Variants in EP300 observed in about 807,000 individuals in gnomAD.
EP300 encodes histone acetyltransferase p300.
EP300 carries 31 observed loss-of-function variants against 264.0 expected under a neutral mutation model. The ratio of observed to expected loss-of-function variants is 0.12; its 90% CI spans 0.09 to 0.16. The LOEUF (loss-of-function observed/expected upper bound fraction) is 0.16. Ranked by LOEUF, EP300 falls within the 10% of genes least tolerant of loss-of-function variation. The pLI, the probability that EP300 is intolerant of heterozygous loss-of-function variation, is 1.00. For synonymous variants in EP300, 1,340 were observed against 1,045.4 expected (o/e 1.28, Z -5.44); for missense variants, 2,766 against 3,052.9 (o/e 0.91, Z 2.21).
chr22:41,172,199 T>C, intron 27 of EP300, among the ~76,000 whole-genome samples: 1 of 152,212 alleles, frequency 6.6e-6, no homozygotes, highest in African/African-American at 2.4e-5. Flanking sequence ...GCATGCATGA[T>C]GGTGCTACCA....
At position 41,172,650 on chromosome 22, in the gene EP300, A is replaced by G. The variant is rs766758292; in HGVS notation, c.4604A>G (p.Asn1535Ser). ...AGAAAACGAGAGGAAAACACCAGCA[A>G]TGAAAGCACAGATGTAAGGGCATTG... ...EERKREENTS[N>S]ESTDVTKGDS... Residue 1535 changes from asparagine to serine, a missense_variant, in exon 28 of 31, where the codon AAT (asparagine) becomes AGT (serine). Coordinates refer to ENST00000263253, the MANE Select transcript of EP300 (RefSeq NM_001429.4). 3.7e-6 allele frequency: 6 copies of G among 1,613,064 alleles called. No individual in the cohort carries two copies. In the African/African-American group the frequency reaches 5.3e-5, roughly 14 times the overall value.
intron 18 of EP300, 135 bp downstream of exon 18, chr22:41,157,543 A>G (rs1001318055): frequency 6.4e-5 from 63 of 984,502 alleles, no homozygotes; most frequent in Admixed American, 2.8e-4. Flanking sequence ...TTCCTTTTTG[A>G]CAGGGTCTTA....
At chr22:41,116,790 G>T (rs1336688882) in intron 1 of EP300, among the ~76,000 whole-genome samples, 1 of 152,142 alleles carries the variant, frequency 6.6e-6, no homozygotes, top group East Asian at 1.9e-4. Context: ...GCTGTGTGTG[G>T]TGGCTCACAC....
rs1225905552 is a variant in EP300, at chr22:41,179,049, TAA to T, written c.*96_*97del. The T allele has an allele frequency of 6.8e-7, 1 of 1,470,802 alleles. No individual in the cohort carries two copies. The highest frequency in any genetic ancestry group is 9.3e-7 in the Non-Finnish European group (1 of 1,075,652). The allele number at this position is 1,470,802 out of a possible 1,614,324, so 91.1% of individuals were successfully genotyped here. A position where few individuals can be genotyped will look rare whatever the true frequency, so the allele number is the denominator to read the frequency against. ...CAATTTTTTTGAATCTTTCGTAGCC[TAA>T]AAGACAATTTTCCTTGGAACACATA... On this transcript the variant is annotated 3_prime_UTR_variant, in exon 31 of 31. Coordinates refer to ENST00000263253, the MANE Select transcript of EP300 (RefSeq NM_001429.4).
Position 41,158,426 on chromosome 22 carries a change from A to G in EP300, c.3516A>G (p.Pro1172=), listed in dbSNP as rs781683020. Residue 1172 remains proline (P), a synonymous_variant, in exon 19 of 31, where the codon CCA becomes CCG. Coordinates refer to ENST00000263253, the MANE Select transcript of EP300 (RefSeq NM_001429.4). ...YCCGRKLEFS[P]QTLCCYGKQL... ...TTCTTTTGCAGTTGGAGTTCTCTCC[A>G]CAGACACTGTGTTGCTACGGCAAAC... 1.2e-6 allele frequency: 2 copies of G among 1,614,146 alleles called. 1 individual carries two copies. The highest frequency in any genetic ancestry group is 2.2e-5 in the South Asian group (2 of 91,078).
At chr22:41,158,029 A>G (rs751901954) in intron 18 of EP300, among the ~76,000 whole-genome samples, 2 of 152,224 alleles carry the variant, frequency 1.3e-5, no homozygotes, top group Non-Finnish European at 2.9e-5. Flanking sequence ...TTTCCTGTAC[A>G]TACCAATTCA....
At chr22:41,143,614 C>A (rs1176024538) in intron 10 of EP300, among the ~76,000 whole-genome samples, 1 of 151,092 alleles carries the variant, frequency 6.6e-6, no homozygotes, top group East Asian at 1.9e-4. Context: ...CTCTCTTTGT[C>A]ACTCAGGCTG....
chr22:41,167,606 ATATATATATATATATATATATATATATAT>A (rs1569115731), intron 23 of EP300, among the ~76,000 whole-genome samples: 4 of 33,564 alleles, frequency 1.2e-4, no homozygotes, highest in African/African-American at 2.6e-4. Context: ...ATATATATAT[ATATATATATATATATATATATATATATAT>A]AATGTTTGGT....
intron 20 of EP300, 22 bp from the exon 21 acceptor site, chr22:41,162,701 T>G (rs1032702508): frequency 8.8e-6 from 14 of 1,593,068 alleles, no homozygotes; most frequent in Admixed American, 5.0e-5. Context: ...TTTTTCTCAT[T>G]GTGTCCCTTT....
At chr22:41,103,275 GCAGT>G (rs773300529) in intron 1 of EP300, among the ~76,000 whole-genome samples, 1 of 152,140 alleles carries the variant, frequency 6.6e-6, no homozygotes, top group African/African-American at 2.4e-5. Context: ...TCTGAGTTGA[GCAGT>G]CAGTCACTCT....
At position 41,160,728 on chromosome 22, in the gene EP300, TA is replaced by T. The variant is rs761793311; in HGVS notation, c.3671+8del. ...GACCCTTCCCAGCCTCAAACGTAAG[TA>T]ACTGCATTATTTTGAAAAGTGCTAA... is the stretch of plus-strand genomic sequence containing the variant. On this transcript the variant is annotated splice_region_variant and intron_variant, in intron 20 of 30. Coordinates refer to ENST00000263253, the MANE Select transcript of EP300 (RefSeq NM_001429.4). The T allele has an allele frequency of 1.2e-6, 2 of 1,612,972 alleles. No individual in the cohort carries two copies. Among genetic ancestry groups the T allele is most frequent in the African/African-American group, 2.7e-5 (2 of 74,906 alleles).
At chr22:41,161,534 G>A (rs917794263) in intron 20 of EP300, among the ~76,000 whole-genome samples, 3 of 152,226 alleles carry the variant, frequency 2.0e-5, no homozygotes, top group East Asian at 1.9e-4. Context: ...GGAGAACGGC[G>A]TGAACCCGGG....
At position 41,178,401 on chromosome 22, in the gene EP300, CATGCAACAG is replaced by C. The variant is rs772860015; in HGVS notation, c.6699_6707del (p.Met2234_Gln2236del). ...AGCAGCAGCAGCGGATGCAGCATCA[CATGCAACAG>C]ATGCAACAAGGAAATATGGGACAGA... On this transcript the variant is annotated inframe_deletion, in exon 31 of 31. Transcript: ENST00000263253. The C allele has an allele frequency of 3.1e-6, 5 of 1,614,184 alleles. No individual in the cohort carries two copies. The highest frequency in any genetic ancestry group is 4.5e-5 in the East Asian group (2 of 44,880).
chr22:41,175,651 T>C, intron 29 of EP300, among the ~76,000 whole-genome samples: 1 of 152,198 alleles, frequency 6.6e-6, no homozygotes, highest in Non-Finnish European at 1.5e-5. Flanking sequence ...ACTGTCTCCA[T>C]ATTTGGATTT....
intron 1 of EP300, among the ~76,000 whole-genome samples, chr22:41,112,168 G>A (rs545271263): frequency 1.8e-4 from 27 of 151,808 alleles, no homozygotes; most frequent in Non-Finnish European, 2.5e-4. Context: ...GATTACAAGC[G>A]TGAGCCACCA....
chr22:41,169,699 ACT>A (rs777477762), intron 26 of EP300, 83 bp downstream of exon 26: 2 of 819,570 alleles, frequency 2.4e-6, no homozygotes, highest in South Asian at 2.8e-5. Context: ...CAAATATATA[ACT>A]CTTGGCCTTT....
At chr22:41,129,475 T>C (rs2058903952) in intron 4 of EP300, among the ~76,000 whole-genome samples, 1 of 152,248 alleles carries the variant, frequency 6.6e-6, no homozygotes, top group Non-Finnish European at 1.5e-5. Context: ...TGTAGGCAAG[T>C]GTTCAATTTA....
chr22:41,136,284 G>A (rs1029981575), intron 7 of EP300, among the ~76,000 whole-genome samples: 3 of 152,278 alleles, frequency 2.0e-5, no homozygotes, highest in East Asian at 1.9e-4. Flanking sequence ...TCAGTCTCCC[G>A]AAGTGCTGGG....
intron 1 of EP300, among the ~76,000 whole-genome samples, chr22:41,095,437 G>T (rs1448073781): frequency 1.3e-5 from 2 of 151,710 alleles, no homozygotes; most frequent in South Asian, 2.1e-4. Context: ...TCACCATATT[G>T]GTCAGGCTGG....
Sources: allele counts gnomAD v4.1 joint callset (sites outside exome capture counted in the v4.1 genomes callset), GRCh38; gene constraint gnomAD v4.1.1; transcripts MANE v1.5; gene names NCBI Gene and HGNC (gene_info 2026-07-23, HGNC 2026-07-21).